ADCY1: variants seen among roughly 807,000 people sequenced by gnomAD.
The protein encoded by ADCY1 is adenylate cyclase 1, also known as adenylate cyclase type 1.
In ADCY1, 28 loss-of-function variants were observed where a neutral mutation model predicts 105.4. The ratio of observed to expected loss-of-function variants is 0.27; its 90% confidence interval spans 0.20 to 0.36. The LOEUF (loss-of-function observed/expected upper bound fraction) is 0.36, where lower values mean the gene tolerates loss of function less well. Among genes scored for constraint, ADCY1 ranks in the 10% least tolerant of loss-of-function variants. The pLI is 1.00. For synonymous variants in ADCY1, 655 were observed against 623.8 expected, an observed-to-expected ratio of 1.05 and a Z score of -0.75; for missense variants, 977 against 1,434.2, an observed-to-expected ratio of 0.68 and a Z score of 5.15.
At chr7:45,630,267 A>T (rs1794201189) in intron 4 of ADCY1, among the ~76,000 whole-genome samples, 1 of 152,152 alleles carries the variant, frequency 6.6e-6, no homozygotes. Context: ...AGTGTTTATG[A>T]AGTCCAGTTT....
chr7:45,714,089 A>G lies in ADCY1; in HGVS notation c.*94A>G, dbSNP rs1213948893. ...GGCTCCAGCCAGGACCAGCCAGACC[A>G]GCAGAGCAGGGAGCCACTTGCCAGG... On this transcript the variant is annotated 3_prime_UTR_variant, in exon 20 of 20. Coordinates refer to ENST00000297323, the MANE Select transcript of ADCY1 (RefSeq NM_021116.4). The G allele has an allele frequency of 3.2e-6, 2 of 633,848 alleles. No homozygotes were observed. Among genetic ancestry groups the G allele is most frequent in the East Asian group, 2.7e-5 (1 of 36,996 alleles). 39.3% of individuals were successfully genotyped at this position (633,848 alleles called of 1,614,324 possible). A position where few individuals can be genotyped will look rare whatever the true frequency, so the allele number is the denominator to read the frequency against.
At chr7:45,596,990 G>A (rs1274276808) in intron 2 of ADCY1, among the ~76,000 whole-genome samples, 1 of 152,184 alleles carries the variant, frequency 6.6e-6, no homozygotes, top group African/African-American at 2.4e-5. Flanking sequence ...AGGCACTGTG[G>A]TCAGTGGCTT....
intron 4 of ADCY1, among the ~76,000 whole-genome samples, chr7:45,644,528 A>C (rs1562703918): frequency 1.3e-5 from 2 of 152,204 alleles, no homozygotes; most frequent in Non-Finnish European, 2.9e-5. Flanking sequence ...ATTCTCCTGC[A>C]GTGGCTCTGT....
At chr7:45,589,681 C>T (rs1584251567) in intron 1 of ADCY1, among the ~76,000 whole-genome samples, 1 of 151,980 alleles carries the variant, frequency 6.6e-6, no homozygotes, top group African/African-American at 2.4e-5. Flanking sequence ...GGTGTCTCGG[C>T]GGGTGAGCCC....
intron 4 of ADCY1, among the ~76,000 whole-genome samples, chr7:45,629,431 C>T (rs117460412): frequency 0.019 from 2,919 of 151,142 alleles, 82 homozygotes; most frequent in South Asian, 0.13. Flanking sequence ...ATGTACAAGT[C>T]TATGTATGGG....
intron 4 of ADCY1, among the ~76,000 whole-genome samples, chr7:45,636,904 A>G (rs895821686): frequency 6.6e-6 from 1 of 152,190 alleles, no homozygotes; most frequent in African/African-American, 2.4e-5. Context: ...ACCTAAGATG[A>G]CAATCTCTGC....
intron 6 of ADCY1, 48 bp from the exon 7 acceptor site, chr7:45,659,994 A>T: frequency 6.2e-7 from 1 of 1,610,504 alleles, no homozygotes; most frequent in Non-Finnish European, 8.5e-7. Context: ...GCAGACTCTG[A>T]CAGCAGTGGT....
intron 14 of ADCY1, among the ~76,000 whole-genome samples, chr7:45,702,795 C>G (rs1423311089): frequency 6.6e-6 from 1 of 152,250 alleles, no homozygotes; most frequent in Non-Finnish European, 1.5e-5. Flanking sequence ...GGTCTTTACT[C>G]TTTGCCCCAG....
At chr7:45,638,970 C>G (rs1377000022) in intron 4 of ADCY1, among the ~76,000 whole-genome samples, 1 of 151,808 alleles carries the variant, frequency 6.6e-6, no homozygotes, top group Non-Finnish European at 1.5e-5. Context: ...TGCAGGTGAC[C>G]CCCATGAAGT....
intron 5 of ADCY1, among the ~76,000 whole-genome samples, chr7:45,651,722 A>G (rs1464074451): frequency 6.6e-6 from 1 of 152,210 alleles, no homozygotes; most frequent in Non-Finnish European, 1.5e-5. Context: ...CCATGCCCCA[A>G]GACACTAATT....
In ADCY1 at chr7:45,703,290, T is replaced by G; in HGVS notation, c.2455-86T>G. The G allele has an allele frequency of 7.7e-7, 1 of 1,295,042 alleles. No individual in the cohort carries two copies. Among genetic ancestry groups the G allele is most frequent in the Non-Finnish European group, 1.1e-6 (1 of 894,510 alleles). The allele number at this position is 1,295,042 out of a possible 1,614,324, so 80.2% of individuals were successfully genotyped here. ...GACCATCAGCACACCTGGAGTCCAG[T>G]TTGGATGATTAGAAGGAAGTGTGCG... On this transcript the variant is annotated intron_variant, in intron 14 of 19. Transcript: ENST00000297323. This position sits in a 1 kb window ranked among gnomAD's most constrained non-coding sequence, Gnocchi z 5.9.
rs1170079888 is a variant in ADCY1, at chr7:45,721,546, C to T, written c.*7551C>T. 2.5e-6 allele frequency: 1 copy of T among 397,272 alleles called. No homozygotes were observed. Among genetic ancestry groups the T allele is most frequent in the Non-Finnish European group, 4.4e-6 (1 of 225,670 alleles). 24.6% of individuals were successfully genotyped at this position (397,272 alleles called of 1,614,324 possible). On this transcript the variant is annotated 3_prime_UTR_variant, in exon 20 of 20. Transcript: ENST00000297323. ...GAAACTACACACCATTTCTTCCCTG[C>T]TCAGCTTCTGCTCAGGAGTTCTGTG...
At chr7:45,641,227 T>C (rs969656188) in intron 4 of ADCY1, among the ~76,000 whole-genome samples, 4 of 152,142 alleles carry the variant, frequency 2.6e-5, no homozygotes, top group Non-Finnish European at 2.9e-5. Context: ...AGGCCAGGAA[T>C]CACCAGGCAG....
intron 1 of ADCY1, among the ~76,000 whole-genome samples, chr7:45,578,298 C>G (rs1287829959): frequency 6.6e-6 from 1 of 152,168 alleles, no homozygotes; most frequent in Non-Finnish European, 1.5e-5. Context: ...TGGGCCGGCA[C>G]TGAGGGGGAG....
intron 5 of ADCY1, among the ~76,000 whole-genome samples, chr7:45,654,922 A>G (rs945148536): frequency 6.6e-6 from 1 of 152,058 alleles, no homozygotes; most frequent in African/African-American, 2.4e-5. Flanking sequence ...GAGCCACCTG[A>G]GGCTGAAACC....
intron 1 of ADCY1, among the ~76,000 whole-genome samples, chr7:45,583,937 GTTTT>G (rs869216986): frequency 3.5e-5 from 2 of 56,880 alleles, no homozygotes; most frequent in African/African-American, 6.9e-5. Context: ...ACTGTGCCCT[GTTTT>G]TTTTTTTTTT....
chr7:45,629,516 T>G (rs538794424), intron 4 of ADCY1, among the ~76,000 whole-genome samples: 37 of 150,336 alleles, frequency 2.5e-4, no homozygotes, highest in African/African-American at 9.1e-4. Flanking sequence ...TAACTTTTTT[T>G]TTTTTTTTTT....
chr7:45,674,357 A>G (rs1378382896), intron 8 of ADCY1, among the ~76,000 whole-genome samples: 2 of 151,986 alleles, frequency 1.3e-5, no homozygotes, highest in East Asian at 3.9e-4. Flanking sequence ...TATAATTGAG[A>G]ATTTGTTTAT....
intron 4 of ADCY1, among the ~76,000 whole-genome samples, chr7:45,633,358 A>G (rs1171418100): frequency 3.3e-5 from 5 of 152,194 alleles, no homozygotes; most frequent in African/African-American, 1.2e-4. Context: ...ATTGGAAAAT[A>G]CTTTGGAGAT....
Sources: allele counts gnomAD v4.1 joint callset (sites outside exome capture counted in the v4.1 genomes callset), GRCh38; gene constraint gnomAD v4.1.1; non-coding constraint Gnocchi (gnomAD v3.1); transcripts MANE v1.5; gene names NCBI Gene and HGNC (gene_info 2026-07-23, HGNC 2026-07-21).